The following EPHA5 variants were observed in gnomAD, a reference collection of about 807,000 sequenced individuals.
The protein encoded by EPHA5 is ephrin type-A receptor 5.
A neutral mutation model predicts 105.0 loss-of-function variants in EPHA5; 60 were observed. The observed-to-expected ratio is 0.57, with a 90% CI of 0.46 to 0.71. The LOEUF is 0.71. Among genes scored for constraint, EPHA5 ranks in the 30% least tolerant of loss-of-function variants. The probability of loss-of-function intolerance (pLI) is 0.00; values close to 1 mark genes in which losing one functional copy is unlikely to be tolerated. For synonymous variants in EPHA5, 513 were observed against 449.1 expected, an observed-to-expected ratio of 1.14 and a Z score of -1.80; for missense variants, 1,218 against 1,274.7, an observed-to-expected ratio of 0.96 and a Z score of 0.68.
chr4:65,365,649 C>CTATATATATATATATATA (rs57048004), intron 10 of EPHA5, among the ~76,000 whole-genome samples: 6 of 64,876 alleles, frequency 9.2e-5, no homozygotes, highest in East Asian at 6.9e-4. Flanking sequence ...TACAAATTCA[C>CTATATATATATATATATA]TATATATATA....
chr4:65,462,970 G>A (rs560520531), intron 5 of EPHA5, among the ~76,000 whole-genome samples: 1 of 152,228 alleles, frequency 6.6e-6, no homozygotes, highest in East Asian at 1.9e-4. Context: ...GGTCTCTAAA[G>A]AAATTTATGA....
intron 5 of EPHA5, among the ~76,000 whole-genome samples, chr4:65,459,749 G>A (rs1727951595): frequency 6.6e-6 from 1 of 151,752 alleles, no homozygotes; most frequent in African/African-American, 2.4e-5. Flanking sequence ...ATGCATTTCA[G>A]TCTCTCTTTT....
chr4:65,568,374 A>T (rs1739777173), intron 3 of EPHA5, among the ~76,000 whole-genome samples: 1 of 151,534 alleles, frequency 6.6e-6, no homozygotes, highest in Non-Finnish European at 1.5e-5. Flanking sequence ...TATTTCAAAT[A>T]ATCAAAAACT....
intron 5 of EPHA5, among the ~76,000 whole-genome samples, chr4:65,466,034 T>A (rs185344068): frequency 6.6e-6 from 1 of 152,268 alleles, no homozygotes; most frequent in Non-Finnish European, 1.5e-5. Flanking sequence ...AATCATATAG[T>A]GTTAGAGGGT....
At chr4:65,544,757 A>G (rs180836753) in intron 3 of EPHA5, among the ~76,000 whole-genome samples, 1 of 152,112 alleles carries the variant, frequency 6.6e-6, no homozygotes, top group Admixed American at 6.6e-5. Context: ...TCATTCTACT[A>G]TAAAGACACA....
At chr4:65,347,807 C>G (rs544106477) in intron 14 of EPHA5, among the ~76,000 whole-genome samples, 2 of 152,240 alleles carry the variant, frequency 1.3e-5, no homozygotes, top group East Asian at 3.9e-4. Context: ...AACATCACTA[C>G]AGTACAGCTA....
At chr4:65,326,558 T>G (rs914471111) in intron 16 of EPHA5, among the ~76,000 whole-genome samples, 3 of 151,370 alleles carry the variant, frequency 2.0e-5, no homozygotes, top group African/African-American at 7.3e-5. Flanking sequence ...ATGTAAATTA[T>G]TAATTATAAA....
intron 14 of EPHA5, among the ~76,000 whole-genome samples, chr4:65,338,596 C>T (rs12651591): frequency 0.3 from 44,755 of 151,582 alleles, 7,443 homozygotes; most frequent in East Asian, 0.43. Flanking sequence ...GTCTTATTTT[C>T]GGGTAAATTT....
chr4:65,620,848 G>A (rs572666812), intron 2 of EPHA5, among the ~76,000 whole-genome samples: 30 of 152,126 alleles, frequency 2.0e-4, no homozygotes, highest in Non-Finnish European at 3.7e-4. Flanking sequence ...ATGGATTTGC[G>A]TAAATTTCCC....
chr4:65,638,789 G>A (rs915575003), intron 2 of EPHA5, among the ~76,000 whole-genome samples: 2 of 152,072 alleles, frequency 1.3e-5, no homozygotes, highest in African/African-American at 4.8e-5. Context: ...TGGAGCAATA[G>A]GGTTAAGTTA....
At chr4:65,648,485 G>C (rs1365560538) in intron 1 of EPHA5, among the ~76,000 whole-genome samples, 1 of 152,156 alleles carries the variant, frequency 6.6e-6, no homozygotes, top group East Asian at 1.9e-4. Context: ...TGTGATCCTT[G>C]ATGACATGAA....
intron 8 of EPHA5, among the ~76,000 whole-genome samples, chr4:65,388,738 C>T (rs1407217397): frequency 1.8e-4 from 26 of 147,738 alleles, no homozygotes; most frequent in Admixed American, 1.1e-3. Context: ...GAGTAGGTTG[C>T]GAAAATTTTC....
intron 3 of EPHA5, among the ~76,000 whole-genome samples, chr4:65,541,679 T>C (rs1736849390): frequency 6.6e-6 from 1 of 151,928 alleles, no homozygotes; most frequent in African/African-American, 2.4e-5. Flanking sequence ...ACTGTCAGTA[T>C]TGGACAGATA....
At chr4:65,370,846 G>A (rs545737663) in intron 8 of EPHA5, among the ~76,000 whole-genome samples, 73 of 152,076 alleles carry the variant, frequency 4.8e-4, no homozygotes, top group African/African-American at 1.7e-3. Flanking sequence ...ATTAAGTTCT[G>A]GAACCTCCCG....
At chr4:65,515,617 C>T (rs995920946) in intron 3 of EPHA5, among the ~76,000 whole-genome samples, 1 of 151,966 alleles carries the variant, frequency 6.6e-6, no homozygotes, top group African/African-American at 2.4e-5. Context: ...AAAATTTTAT[C>T]TTCTAATAAC....
At chr4:65,455,205 C>T (rs112920425) in intron 5 of EPHA5, among the ~76,000 whole-genome samples, 35 of 151,572 alleles carry the variant, frequency 2.3e-4, no homozygotes, top group Non-Finnish European at 5.0e-4. Context: ...TGCACTCCAG[C>T]CTGGGAGACA....
At chr4:65,328,018 C>T (rs561676328) in intron 16 of EPHA5, among the ~76,000 whole-genome samples, 1 of 151,224 alleles carries the variant, frequency 6.6e-6, no homozygotes, top group East Asian at 2.0e-4. Context: ...ACAAGGTATG[C>T]ATTTTTTAAT....
intron 1 of EPHA5, among the ~76,000 whole-genome samples, chr4:65,659,375 T>C (rs966586930): frequency 3.2e-5 from 4 of 124,514 alleles, no homozygotes; most frequent in African/African-American, 1.2e-4. Context: ...AGGTAAAGCA[T>C]AGATGCCGTG....
intron 1 of EPHA5, among the ~76,000 whole-genome samples, chr4:65,649,901 T>G (rs556832822): frequency 1.6e-4 from 25 of 152,322 alleles, no homozygotes; most frequent in African/African-American, 5.8e-4. Context: ...CTTTCCTTTA[T>G]AAGCTATTCT....
Sources: allele counts gnomAD v4.1 joint callset (sites outside exome capture counted in the v4.1 genomes callset), GRCh38; gene constraint gnomAD v4.1.1; transcripts MANE v1.5; gene names NCBI Gene and HGNC (gene_info 2026-07-23, HGNC 2026-07-21).